Variants in LIN7A observed in about 807,000 individuals in gnomAD.
LIN7A encodes the protein lin-7 cell polarity scaffold A, also known as protein lin-7 homolog A.
A neutral mutation model predicts 29.8 loss-of-function variants in LIN7A; 25 were observed. The observed-to-expected ratio is 0.84, with a 90% CI of 0.61 to 1.17. The LOEUF (loss-of-function observed/expected upper bound fraction) is 1.17. LIN7A is among the 50% of genes most tolerant of loss of function. The probability of loss-of-function intolerance (pLI) is 0.00; values close to 1 mark genes in which losing one functional copy is unlikely to be tolerated. For synonymous variants in LIN7A, 118 were observed against 107.5 expected (o/e 1.10, Z -0.60); for missense variants, 239 against 287.0 (o/e 0.83, Z 1.21).
At chr12:80,896,785 T>C (rs1002679674) in intron 1 of LIN7A, among the ~76,000 whole-genome samples, 2 of 152,100 alleles carry the variant, frequency 1.3e-5, no homozygotes, top group Non-Finnish European at 2.9e-5. Context: ...AATACTAGAG[T>C]CATGAATTTA....
At chr12:80,883,426 A>C (rs1875169558) in intron 2 of LIN7A, among the ~76,000 whole-genome samples, 1 of 152,192 alleles carries the variant, frequency 6.6e-6, no homozygotes, top group Non-Finnish European at 1.5e-5. Context: ...ATGGTTGTGA[A>C]ATTAGGGTGC....
intron 2 of LIN7A, among the ~76,000 whole-genome samples, chr12:80,889,050 G>T (rs910803016): frequency 2.0e-5 from 3 of 151,826 alleles, no homozygotes; most frequent in African/African-American, 7.3e-5. Flanking sequence ...ATCAACATTT[G>T]GTTTTATATG....
chr12:80,797,139 A>G lies in LIN7A; in HGVS notation c.*588T>C, dbSNP rs2121468717. 1 of 152,316 alleles carries G rather than the reference A, an allele frequency of 6.6e-6. No individual in the cohort carries two copies. Among genetic ancestry groups the G allele is most frequent in the East Asian group, 1.9e-4 (1 of 5,192 alleles). The allele number at this position is 152,316 out of a possible 1,614,324, so 9.4% of individuals were successfully genotyped here. On this transcript the variant is annotated 3_prime_UTR_variant, in exon 6 of 6. Transcript: ENST00000552864. ...ATAATAAAATTCATGGAAACAAAAG[A>G]AAAAGCCGATTGCTTCTAGAACCTG...
chr12:80,891,655 G>T (rs1477633224), intron 1 of LIN7A, among the ~76,000 whole-genome samples: 1 of 152,138 alleles, frequency 6.6e-6, no homozygotes. Context: ...AATAAAGTGG[G>T]TGTGTTCTAT....
At chr12:80,921,538 G>T (rs1877304670) in intron 1 of LIN7A, among the ~76,000 whole-genome samples, 1 of 144,398 alleles carries the variant, frequency 6.9e-6, no homozygotes, top group Non-Finnish European at 1.5e-5. Flanking sequence ...GGGAGATCAA[G>T]TGAGCACAAA....
chr12:80,871,357 A>G (rs1565909233), intron 2 of LIN7A, among the ~76,000 whole-genome samples: 1 of 152,186 alleles, frequency 6.6e-6, no homozygotes, highest in Non-Finnish European at 1.5e-5. Context: ...GAAATTATGT[A>G]TATTGAATTG....
rs980254482 is a variant in LIN7A at position 80,797,552 on chromosome 12, G to A, written c.*175C>T. Reference sequence around the variant, plus strand: ...GCCCACGTGAGCAGTGGCGGTTCAAGCCCAGAGAAAGAAGGTGTTGAGTTG... The same window carrying A: ...GCCCACGTGAGCAGTGGCGGTTCAAACCCAGAGAAAGAAGGTGTTGAGTTG... On this transcript the variant is annotated 3_prime_UTR_variant, in exon 6 of 6. Coordinates refer to ENST00000552864, the MANE Select transcript of LIN7A (RefSeq NM_004664.4). 1 of 152,644 alleles carries A rather than the reference G, an allele frequency of 6.6e-6. No individual in the cohort carries two copies. The highest frequency in any genetic ancestry group is 2.4e-5 in the African/African-American group (1 of 41,452). 9.5% of individuals were successfully genotyped at this position (152,644 alleles called of 1,614,324 possible). A position where few individuals can be genotyped will look rare whatever the true frequency, so the allele number is the denominator to read the frequency against.
At chr12:80,915,016 T>C (rs565776767) in intron 1 of LIN7A, among the ~76,000 whole-genome samples, 42 of 151,940 alleles carry the variant, frequency 2.8e-4, no homozygotes, top group African/African-American at 1.0e-3. Context: ...CTAATTAAAC[T>C]CAAGAGCTTC....
intron 1 of LIN7A, among the ~76,000 whole-genome samples, chr12:80,934,298 G>A (rs751421566): frequency 6.6e-6 from 1 of 152,160 alleles, no homozygotes; most frequent in African/African-American, 2.4e-5. Flanking sequence ...TACTCATTAA[G>A]TGAAGGATAT....
At position 80,902,216 on chromosome 12, in the gene LIN7A, TG is replaced by T. The variant is rs1876250906; in HGVS notation, c.83-12848del. ...TTCTATTCTGTTCCATTGGTCTATG[TG>T]TTTTTTTTTTTTTTTTGTACCAGTA... On this transcript the variant is annotated intron_variant, in intron 1 of 5. Transcript: ENST00000552864. 4.8e-5 allele frequency among the ~76,000 whole-genome samples: 4 copies of T among 83,996 alleles called. No individual in the cohort carries two copies. The South Asian group carries it at 2.0e-3, about 42-fold the overall frequency. 55.1% of individuals were successfully genotyped at this position (83,996 alleles called of 152,430 possible).
At chr12:80,804,623 C>T (rs929091737) in intron 5 of LIN7A, among the ~76,000 whole-genome samples, 3 of 151,986 alleles carry the variant, frequency 2.0e-5, no homozygotes, top group African/African-American at 7.2e-5. Context: ...ACTGCAACCT[C>T]CAGCTCCTGT....
At chr12:80,806,934 T>C (rs1437823851) in intron 5 of LIN7A, among the ~76,000 whole-genome samples, 3 of 152,188 alleles carry the variant, frequency 2.0e-5, no homozygotes. Context: ...CAAATACAAA[T>C]TTCATGTTCA....
At chr12:80,896,485 C>G (rs1006865345) in intron 1 of LIN7A, among the ~76,000 whole-genome samples, 1 of 152,078 alleles carries the variant, frequency 6.6e-6, no homozygotes. Flanking sequence ...TCTATCACTG[C>G]GATATGAAAG....
chr12:80,911,793 A>T lies in LIN7A; in HGVS notation c.83-22424T>A, dbSNP rs116890611. 5.4e-3 allele frequency among the ~76,000 whole-genome samples: 816 copies of T among 152,332 alleles called. 2 individuals carry two copies. Among genetic ancestry groups the T allele is most frequent in the Non-Finnish European group, 8.2e-3 (561 of 68,024 alleles). ...TATCTTTTGAACAAGATAAGATCCC[A>T]GTACTTAATTCACATTTTTTTAATG... On this transcript the variant is annotated intron_variant, in intron 1 of 5. Coordinates refer to ENST00000552864, the MANE Select transcript of LIN7A (RefSeq NM_004664.4).
chr12:80,847,256 C>CT (rs1873120544), intron 3 of LIN7A, among the ~76,000 whole-genome samples: 1 of 152,182 alleles, frequency 6.6e-6, no homozygotes, highest in Admixed American at 6.5e-5. Context: ...ACACAATTCA[C>CT]TTTCCCCTTA....
intron 5 of LIN7A, among the ~76,000 whole-genome samples, chr12:80,802,533 AC>A (rs1870770993): frequency 6.6e-6 from 1 of 151,578 alleles, no homozygotes; most frequent in African/African-American, 2.4e-5. Flanking sequence ...GTTTTTGAGG[AC>A]CCTCCTCCAT....
chr12:80,933,394 C>T (rs950072436), intron 1 of LIN7A, among the ~76,000 whole-genome samples: 3 of 152,162 alleles, frequency 2.0e-5, no homozygotes, highest in African/African-American at 7.2e-5. Flanking sequence ...GTATACTCTT[C>T]ACTCTCTCCA....
At chr12:80,825,552 T>C (rs937918622) in intron 4 of LIN7A, among the ~76,000 whole-genome samples, 2 of 152,196 alleles carry the variant, frequency 1.3e-5, no homozygotes, top group African/African-American at 4.8e-5. Flanking sequence ...GTTACAGTGA[T>C]GGAAACAGGG....
At chr12:80,926,661 T>C (rs1877596652) in intron 1 of LIN7A, among the ~76,000 whole-genome samples, 1 of 152,162 alleles carries the variant, frequency 6.6e-6, no homozygotes, top group Non-Finnish European at 1.5e-5. Context: ...CACCTCTAAA[T>C]ATAATATTTG....
Sources: allele counts gnomAD v4.1 joint callset (sites outside exome capture counted in the v4.1 genomes callset), GRCh38; gene constraint gnomAD v4.1.1; transcripts MANE v1.5; gene names NCBI Gene and HGNC (gene_info 2026-07-23, HGNC 2026-07-21).